Variants in ANK3 observed in about 807,000 individuals in gnomAD.
ANK3 encodes ankyrin 3, also known as ankyrin-3.
A neutral mutation model predicts 370.9 loss-of-function variants in ANK3; 57 were observed. The ratio of observed to expected loss-of-function variants is 0.15; its 90% confidence interval spans 0.12 to 0.19. The LOEUF (loss-of-function observed/expected upper bound fraction) is 0.19. Among genes scored for constraint, ANK3 ranks in the 10% least tolerant of loss-of-function variants. The pLI, the probability that ANK3 is intolerant of heterozygous loss-of-function variation, is 1.00. For synonymous variants in ANK3, 1,929 were observed against 1,946.3 expected (o/e 0.99, Z 0.23); for missense variants, 4,439 against 5,302.1 (o/e 0.84, Z 5.06).
chr10:60,444,520 A>G (rs996499355), intron 2 of ANK3, among the ~76,000 whole-genome samples: 1 of 151,892 alleles, frequency 6.6e-6, no homozygotes, highest in Admixed American at 6.6e-5. Flanking sequence ...ACACTTAAAA[A>G]CAAAAAGTAA....
chr10:60,041,791 A>C (rs570346664), intron 43 of ANK3, among the ~76,000 whole-genome samples: 1 of 152,286 alleles, frequency 6.6e-6, no homozygotes, highest in African/African-American at 2.4e-5. Flanking sequence ...CTCACACATA[A>C]AATTACAGGC....
intron 1 of ANK3, among the ~76,000 whole-genome samples, chr10:60,656,561 GT>G (rs2078866731): frequency 6.6e-6 from 1 of 151,778 alleles, no homozygotes; most frequent in Non-Finnish European, 1.5e-5. Flanking sequence ...GGTTTACTTT[GT>G]TTTTCCTTTT....
chr10:60,075,102 TCTC>T lies in ANK3; in HGVS notation c.5776_5778del (p.Glu1926del), dbSNP rs764632652. On this transcript the variant is annotated inframe_deletion, in exon 37 of 44. Coordinates refer to ENST00000280772, the MANE Select transcript of ANK3 (RefSeq NM_020987.5). The stretch of plus-strand genomic sequence containing the variant: ...TTTGGGAGTTCAGGTTGGAATGGCT[TCTC>T]CTCAGGCACATCTGTCTGTAGTATT... The T allele has an allele frequency of 1.1e-3, 1,701 of 1,614,124 alleles. No homozygotes were observed. Among genetic ancestry groups the T allele is most frequent in the Non-Finnish European group, 1.3e-3 (1,565 of 1,180,004 alleles).
chr10:60,586,060 C>CT (rs150665613), intron 2 of ANK3, among the ~76,000 whole-genome samples: 18 of 148,096 alleles, frequency 1.2e-4, no homozygotes, highest in Admixed American at 6.8e-4. Flanking sequence ...AAAAAAAAGA[C>CT]TTTGACATTT....
intron 2 of ANK3, among the ~76,000 whole-genome samples, chr10:60,520,919 A>G (rs2076332023): frequency 6.9e-6 from 1 of 145,946 alleles, no homozygotes; most frequent in Non-Finnish European, 1.5e-5. Context: ...TCATTTTTCC[A>G]TTTTACAATT....
At chr10:60,630,514 A>G (rs999160397) in intron 1 of ANK3, among the ~76,000 whole-genome samples, 5 of 152,218 alleles carry the variant, frequency 3.3e-5, no homozygotes, top group Admixed American at 6.5e-5. Context: ...AAGAAATGTG[A>G]AAGTGCTGCA....
At chr10:60,392,144 T>C (rs1271442505), upstream of ANK3, among the ~76,000 whole-genome samples, 1 of 152,208 alleles carries the variant, frequency 6.6e-6, no homozygotes, top group Non-Finnish European at 1.5e-5. Context: ...CTCAAGCTCC[T>C]TGTGTACTTA....
chr10:60,576,007 A>T (rs1290633318), intron 2 of ANK3, among the ~76,000 whole-genome samples: 1 of 152,192 alleles, frequency 6.6e-6, no homozygotes, highest in Non-Finnish European at 1.5e-5. Context: ...AGGGGTGATT[A>T]CTTGTTTCAA....
At chr10:60,730,035 G>C (rs117751658) in intron 1 of ANK3, among the ~76,000 whole-genome samples, 3,515 of 152,232 alleles carry the variant, frequency 0.023, 68 homozygotes, top group Middle Eastern at 0.048. Flanking sequence ...ACAAGTGTCT[G>C]GGATATATTT....
intron 21 of ANK3, among the ~76,000 whole-genome samples, chr10:60,169,536 G>A (rs2095723818): frequency 6.6e-6 from 1 of 151,812 alleles, no homozygotes; most frequent in South Asian, 2.1e-4. Flanking sequence ...TATTTGTCAG[G>A]TTTCTCCATT....
At chr10:60,296,125 A>T (rs962298408) in intron 1 of ANK3, among the ~76,000 whole-genome samples, 5 of 152,188 alleles carry the variant, frequency 3.3e-5, no homozygotes, top group African/African-American at 1.2e-4. Flanking sequence ...ACAGATCAGG[A>T]TCACTCTAAT....
intron 1 of ANK3, among the ~76,000 whole-genome samples, chr10:60,648,985 G>A (rs2078750904): frequency 6.6e-6 from 1 of 151,996 alleles, no homozygotes; most frequent in African/African-American, 2.4e-5. Context: ...AAGGCACAAA[G>A]CTGTGCTCCC....
At chr10:60,572,606 A>G in intron 2 of ANK3, 1 of 1,516,230 alleles carries the variant, frequency 6.6e-7, no homozygotes, top group East Asian at 2.5e-5. Context: ...GCAAAGAGTC[A>G]AAGCATTGAG....
chr10:60,357,656 G>A lies in ANK3; in HGVS notation c.114+31769C>T, dbSNP rs549443397. Among the ~76,000 whole-genome samples, 4 of 152,258 alleles carry A rather than the reference G, an allele frequency of 2.6e-5. No individual in the cohort carries two copies. In the South Asian group the frequency reaches 8.3e-4, roughly 32 times the overall value. ...GAATGGACCCTCAACAGTGCCAGAA[G>A]GTCTTATAAACTTACTTAGCAAATT... On this transcript the variant is annotated intron_variant, in intron 1 of 43. Coordinates refer to ENST00000280772, the MANE Select transcript of ANK3 (RefSeq NM_020987.5).
At chr10:60,690,379 A>T (rs1010461282) in intron 1 of ANK3, among the ~76,000 whole-genome samples, 5 of 152,174 alleles carry the variant, frequency 3.3e-5, no homozygotes, top group African/African-American at 4.8e-5. Flanking sequence ...GGACACTCCC[A>T]CCCTAATACT....
At chr10:60,623,594 T>G (rs550596669) in intron 1 of ANK3, among the ~76,000 whole-genome samples, 82 of 152,306 alleles carry the variant, frequency 5.4e-4, no homozygotes, top group African/African-American at 1.9e-3. Context: ...AATGCATTAA[T>G]AAGATATCAT....
chr10:60,509,110 C>T (rs908434802), intron 2 of ANK3, among the ~76,000 whole-genome samples: 5 of 152,144 alleles, frequency 3.3e-5, no homozygotes, highest in Admixed American at 6.6e-5. Flanking sequence ...AATACCATCA[C>T]TGTTCACTAC....
intron 2 of ANK3, among the ~76,000 whole-genome samples, chr10:60,535,910 A>C (rs915479474): frequency 1.4e-5 from 2 of 145,944 alleles, no homozygotes; most frequent in African/African-American, 5.0e-5. Flanking sequence ...TCGGCAAAGC[A>C]ACTGTTTGAA....
intron 2 of ANK3, among the ~76,000 whole-genome samples, chr10:60,594,450 G>T (rs2077959629): frequency 6.6e-6 from 1 of 151,982 alleles, no homozygotes; most frequent in African/African-American, 2.4e-5. Context: ...GAAAAATCTG[G>T]ATTATAGCAT....
Sources: allele counts gnomAD v4.1 joint callset (sites outside exome capture counted in the v4.1 genomes callset), GRCh38; gene constraint gnomAD v4.1.1; transcripts MANE v1.5; gene names NCBI Gene and HGNC (gene_info 2026-07-23, HGNC 2026-07-21).